CSMD1: variants seen among roughly 807,000 people sequenced by gnomAD.
CSMD1 encodes the protein CUB and Sushi multiple domains 1.
In CSMD1, 213 loss-of-function variants were observed where a neutral mutation model predicts 417.5. The observed-to-expected ratio is 0.51, with a 90% CI of 0.46 to 0.57. CSMD1 has a LOEUF of 0.57. Among genes scored for constraint, CSMD1 ranks in the 20% least tolerant of loss-of-function variants. CSMD1 has a pLI of 0.00. For missense variants in CSMD1, 6,923 were observed against 4,529.7 expected (o/e 1.53, Z -15.17); for synonymous variants, 2,862 against 1,736.8 (o/e 1.65, Z -16.11).
At chr8:4,287,449 G>C (rs1448294180) in intron 3 of CSMD1, among the ~76,000 whole-genome samples, 1 of 152,030 alleles carries the variant, frequency 6.6e-6, no homozygotes, top group Admixed American at 6.6e-5. Flanking sequence ...GTCCAATATT[G>C]AGTAATATTA....
chr8:3,737,219 T>G (rs547556005), intron 6 of CSMD1, among the ~76,000 whole-genome samples: 1 of 133,864 alleles, frequency 7.5e-6, no homozygotes, highest in East Asian at 2.1e-4. Flanking sequence ...AAATTATCAT[T>G]GATTTTTTGC....
chr8:4,924,028 T>C (rs1205170804), intron 1 of CSMD1, among the ~76,000 whole-genome samples: 1 of 152,192 alleles, frequency 6.6e-6, no homozygotes, highest in African/African-American at 2.4e-5. Flanking sequence ...CTCTGTCACA[T>C]CTCAGCTTGC....
intron 3 of CSMD1, among the ~76,000 whole-genome samples, chr8:4,373,792 A>C (rs556980546): frequency 1.3e-5 from 2 of 152,254 alleles, no homozygotes; most frequent in African/African-American, 4.8e-5. Flanking sequence ...TCTTTGATAA[A>C]TTTGTTATAG....
At chr8:3,953,600 GC>G (rs1563248654) in intron 5 of CSMD1, among the ~76,000 whole-genome samples, 2 of 151,954 alleles carry the variant, frequency 1.3e-5, no homozygotes, top group African/African-American at 4.8e-5. Context: ...GGGTCACTGC[GC>G]CCAAGCATAC....
Position 3,405,937 on chromosome 8 carries a change from C to G in CSMD1, c.2266+90G>C, listed in dbSNP as rs1812318257. On this transcript the variant is annotated intron_variant, in intron 15 of 69. Transcript: ENST00000635120. The stretch of plus-strand genomic sequence containing the variant: ...TGGTATTTTGTTAGGGCAGCCCTAG[C>G]AAGCTAACACAGTTTGTTGGTTTGT... The G allele has an allele frequency of 1.9e-5, 24 of 1,263,210 alleles. No individual in the cohort carries two copies. In the South Asian group the frequency reaches 3.1e-4, roughly 16 times the overall value. 78.3% of individuals were successfully genotyped at this position (1,263,210 alleles called of 1,614,324 possible).
chr8:3,507,722 C>T (rs934884899), intron 10 of CSMD1, among the ~76,000 whole-genome samples: 7 of 152,146 alleles, frequency 4.6e-5, no homozygotes, highest in Non-Finnish European at 1.0e-4. Flanking sequence ...TGGTATCTCA[C>T]TGGGGTTTTG....
At chr8:4,322,631 T>C (rs905120314) in intron 3 of CSMD1, among the ~76,000 whole-genome samples, 3 of 152,288 alleles carry the variant, frequency 2.0e-5, no homozygotes, top group African/African-American at 7.2e-5. Flanking sequence ...TGGACATATT[T>C]GAGAAAAATC....
intron 3 of CSMD1, among the ~76,000 whole-genome samples, chr8:4,057,585 G>A (rs1380318059): frequency 8.6e-5 from 13 of 151,952 alleles, no homozygotes; most frequent in Admixed American, 7.9e-4. Flanking sequence ...TGCTTTTGGT[G>A]TTATAGACAT....
chr8:3,973,314 G>C lies in CSMD1; in HGVS notation c.818+24589C>G, dbSNP rs538393152. Among the ~76,000 whole-genome samples, 43 of 152,260 alleles carry C rather than the reference G, an allele frequency of 2.8e-4. No individual in the cohort carries two copies. The South Asian group carries it at 4.8e-3, about 17-fold the overall frequency. On this transcript the variant is annotated intron_variant, in intron 5 of 69. Coordinates refer to ENST00000635120, the MANE Select transcript of CSMD1 (RefSeq NM_033225.6). Reference sequence around the variant, plus strand: ...CACCTGCCGAGGGATTTGAATATCAGTTGAATGTCTGCACTCTGCTTGGTG... The same window carrying C: ...CACCTGCCGAGGGATTTGAATATCACTTGAATGTCTGCACTCTGCTTGGTG...
chr8:3,678,608 A>C (rs143291446), intron 7 of CSMD1, among the ~76,000 whole-genome samples: 2,508 of 152,266 alleles, frequency 0.016, 44 homozygotes, highest in South Asian at 0.065. Context: ...GTTGGAAAAC[A>C]CTCTGCAGGA....
chr8:3,182,906 TAGAGAAGGG>T (rs1563119889), intron 36 of CSMD1: 48 of 25,208 alleles, frequency 1.9e-3, no homozygotes, highest in African/African-American at 5.7e-3. Flanking sequence ...GTATTGTTAG[TAGAGAAGGG>T]GTTGTTAGTA....
intron 56 of CSMD1, among the ~76,000 whole-genome samples, chr8:2,974,149 A>G (rs1252842930): frequency 6.6e-6 from 1 of 152,160 alleles, no homozygotes; most frequent in Non-Finnish European, 1.5e-5. Context: ...CACATAAAAA[A>G]GAATAAAGAG....
chr8:3,297,876 T>G (rs531835328), intron 25 of CSMD1, among the ~76,000 whole-genome samples: 2 of 152,134 alleles, frequency 1.3e-5, no homozygotes, highest in African/African-American at 4.8e-5. Flanking sequence ...TTATGACTCA[T>G]TGGAATTAAA....
intron 47 of CSMD1, among the ~76,000 whole-genome samples, chr8:3,093,965 C>G (rs1310188958): frequency 6.6e-6 from 1 of 151,802 alleles, no homozygotes; most frequent in East Asian, 1.9e-4. Context: ...TGCTTTTTGG[C>G]GTTTAAAAGG....
intron 4 of CSMD1, among the ~76,000 whole-genome samples, chr8:4,004,911 A>G (rs1293430385): frequency 6.6e-5 from 10 of 151,766 alleles, no homozygotes; most frequent in Non-Finnish European, 1.3e-4. Flanking sequence ...TGCCCAGCTA[A>G]TTTTTTGTAT....
intron 3 of CSMD1, among the ~76,000 whole-genome samples, chr8:4,280,941 G>A (rs750883988): frequency 4.6e-4 from 70 of 152,134 alleles, no homozygotes; most frequent in Non-Finnish European, 9.0e-4. Context: ...ACATATCCAC[G>A]TTTTTTCCAA....
intron 1 of CSMD1, among the ~76,000 whole-genome samples, chr8:4,676,140 C>G (rs1228965838): frequency 6.6e-6 from 1 of 152,158 alleles, no homozygotes; most frequent in East Asian, 1.9e-4. Flanking sequence ...GATGTTTTGT[C>G]ATATAAACAG....
intron 5 of CSMD1, among the ~76,000 whole-genome samples, chr8:3,765,389 T>C (rs1026069225): frequency 3.3e-5 from 5 of 152,136 alleles, no homozygotes; most frequent in African/African-American, 4.8e-5. Flanking sequence ...ACTTAACCAC[T>C]CCTACCTTTA....
rs371453982 is a variant in CSMD1, at chr8:4,647,319, T to C, written c.86-9761A>G. ...TGCAGGTTTGTTACATAGGTATACATGTGCCACGGCGGCCTGCTACGTAGG... is the reference window on the plus strand; with the variant it reads ...TGCAGGTTTGTTACATAGGTATACACGTGCCACGGCGGCCTGCTACGTAGG... On this transcript the variant is annotated intron_variant, in intron 1 of 69. Coordinates refer to ENST00000635120, the MANE Select transcript of CSMD1 (RefSeq NM_033225.6). Among the ~76,000 whole-genome samples the C allele has an allele frequency of 4.0e-5, 6 of 151,464 alleles. No homozygotes were observed. In the South Asian group the frequency reaches 1.3e-3, roughly 32 times the overall value.
Sources: allele counts gnomAD v4.1 joint callset (sites outside exome capture counted in the v4.1 genomes callset), GRCh38; gene constraint gnomAD v4.1.1; transcripts MANE v1.5; gene names NCBI Gene and HGNC (gene_info 2026-07-23, HGNC 2026-07-21).